The following BCL2L1 variants were observed in gnomAD, a reference collection of about 807,000 sequenced individuals.
The protein encoded by BCL2L1 is bcl-2-like protein 1.
A neutral mutation model predicts 18.7 loss-of-function variants in BCL2L1; 1 was observed. That is an observed-to-expected ratio of 0.05 (90% CI 0.02 to 0.25). The LOEUF (loss-of-function observed/expected upper bound fraction) is 0.25, where lower values mean the gene tolerates loss of function less well. BCL2L1 is among the 10% of genes least tolerant of loss of function. The pLI, the probability that BCL2L1 is intolerant of heterozygous loss-of-function variation, is 1.00. For missense variants in BCL2L1, 207 were observed against 304.9 expected (o/e 0.68, Z 2.39); for synonymous variants, 103 against 122.7 (o/e 0.84, Z 1.06).
intron 2 of BCL2L1, among the ~76,000 whole-genome samples, chr20:31,715,623 T>G (rs1600928772): frequency 6.6e-6 from 1 of 152,156 alleles, no homozygotes; most frequent in Admixed American, 6.5e-5. Context: ...TCCCAAAATA[T>G]GACTGTAGGA....
At chr20:31,675,674 G>T (rs965172581) in intron 2 of BCL2L1, among the ~76,000 whole-genome samples, 1 of 152,092 alleles carries the variant, frequency 6.6e-6, no homozygotes, top group Non-Finnish European at 1.5e-5. Context: ...AAAGAGAGGG[G>T]TGGCAAGACT....
chr20:31,688,024 T>C lies in BCL2L1; in HGVS notation c.565-21938A>G, dbSNP rs566697945. On this transcript the variant is annotated intron_variant, in intron 2 of 2. Coordinates refer to ENST00000307677, the MANE Select transcript of BCL2L1 (RefSeq NM_138578.3). ...GCTTCACTTATCTCATCTAAAAGCC[T>C]TCCTCTTTGAGTAGTTATGAGGATT... is the stretch of plus-strand genomic sequence containing the variant. 1.8e-4 allele frequency among the ~76,000 whole-genome samples: 27 copies of C among 152,310 alleles called. No individual in the cohort carries two copies. In the East Asian group the frequency reaches 4.8e-3, roughly 27 times the overall value.
At chr20:31,667,484 C>CGTGTGTGTGTGTGTGTGTGTGT (rs3073682) in intron 2 of BCL2L1, among the ~76,000 whole-genome samples, 2,253 of 135,262 alleles carry the variant, frequency 0.017, 38 homozygotes, top group African/African-American at 0.022. Context: ...ACCATAGTAC[C>CGTGTGTGTGTGTGTGTGTGTGT]GTGTGTGTGT....
chr20:31,698,467 C>T (rs1380003068), intron 2 of BCL2L1, among the ~76,000 whole-genome samples: 2 of 152,070 alleles, frequency 1.3e-5, no homozygotes, highest in Admixed American at 6.6e-5. Flanking sequence ...AATTCCTGGG[C>T]TCAAGTGATC....
intron 2 of BCL2L1, among the ~76,000 whole-genome samples, chr20:31,667,691 G>A (rs1356969441): frequency 6.6e-6 from 1 of 151,906 alleles, no homozygotes; most frequent in Non-Finnish European, 1.5e-5. Context: ...CCCTGCCGTG[G>A]CCCACTTCCA....
upstream of BCL2L1, chr20:31,723,626 G>T: frequency 1.0e-6 from 1 of 985,542 alleles, no homozygotes; most frequent in Non-Finnish European, 1.2e-6. Flanking sequence ...GCCCCCGGCG[G>T]TCCGCCCCAG....
chr20:31,701,347 C>T (rs796285259), intron 2 of BCL2L1, among the ~76,000 whole-genome samples: 18 of 152,272 alleles, frequency 1.2e-4, no homozygotes, highest in African/African-American at 3.6e-4. Context: ...CCACCACGCC[C>T]GGCCTGTAGT....
chr20:31,672,140 T>C (rs2060680708), intron 2 of BCL2L1, among the ~76,000 whole-genome samples: 1 of 150,330 alleles, frequency 6.7e-6, no homozygotes, highest in African/African-American at 2.4e-5. Context: ...TTAGAGATGA[T>C]AGGGTTTTAA....
chr20:31,702,259 G>A (rs1340147454), intron 2 of BCL2L1, among the ~76,000 whole-genome samples: 2 of 152,172 alleles, frequency 1.3e-5, no homozygotes, highest in Non-Finnish European at 2.9e-5. Context: ...GAACCCATGC[G>A]GCTTGAGTGG....
At chr20:31,672,549 G>A (rs2060687742) in intron 2 of BCL2L1, among the ~76,000 whole-genome samples, 1 of 152,130 alleles carries the variant, frequency 6.6e-6, no homozygotes, top group South Asian at 2.1e-4. Context: ...TTCCTGGGTT[G>A]ATGGCCTCTG....
At chr20:31,691,300 G>A (rs1466637911) in intron 2 of BCL2L1, among the ~76,000 whole-genome samples, 2 of 150,982 alleles carry the variant, frequency 1.3e-5, no homozygotes, top group Non-Finnish European at 2.9e-5. Flanking sequence ...GCTCACTTGA[G>A]GTCAGGAGTT....
At chr20:31,683,227 C>G (rs139851300) in intron 2 of BCL2L1, among the ~76,000 whole-genome samples, 2 of 152,182 alleles carry the variant, frequency 1.3e-5, no homozygotes, top group African/African-American at 2.4e-5. Context: ...ACTGATCTCC[C>G]GTGCTCTTCC....
Position 31,713,337 on chromosome 20 carries a change from G to A in BCL2L1, c.564+8318C>T, listed in dbSNP as rs1349248818. On this transcript the variant is annotated intron_variant, in intron 2 of 2. Coordinates refer to ENST00000307677, the MANE Select transcript of BCL2L1 (RefSeq NM_138578.3). ...GCCAGGTGAAGGAGGAAAGGGTAGG[G>A]AGCAAAGAAAGTAATGGACAAGAGG... 5 of 985,258 alleles carry A rather than the reference G, an allele frequency of 5.1e-6. No individual in the cohort carries two copies. In the South Asian group the frequency reaches 2.3e-4, roughly 46 times the overall value. 61.0% of individuals were successfully genotyped at this position (985,258 alleles called of 1,614,324 possible).
intron 2 of BCL2L1, among the ~76,000 whole-genome samples, chr20:31,669,406 C>T (rs1253512016): frequency 6.6e-6 from 1 of 151,116 alleles, no homozygotes; most frequent in Admixed American, 6.6e-5. Flanking sequence ...CTTCTCATAA[C>T]TAGATTCTGT....
In BCL2L1 at chr20:31,704,191, C is replaced by A. The variant is rs1391973515; in HGVS notation, c.564+17464G>T. ...CGATCTCAGCTCACTGCAACCTATGCCTCCCAGGTTCAAGCGATTCTTCTG... is the reference window on the plus strand; with the variant it reads ...CGATCTCAGCTCACTGCAACCTATGACTCCCAGGTTCAAGCGATTCTTCTG... On this transcript the variant is annotated intron_variant, in intron 2 of 2. Coordinates refer to ENST00000307677, the MANE Select transcript of BCL2L1 (RefSeq NM_138578.3). Among the ~76,000 whole-genome samples the A allele has an allele frequency of 7.9e-5, 12 of 151,166 alleles. No homozygotes were observed. In the Admixed American group the frequency reaches 7.9e-4, roughly 10 times the overall value.
In BCL2L1 at chr20:31,704,167, G is replaced by A. The variant is rs549107867; in HGVS notation, c.564+17488C>T. On this transcript the variant is annotated intron_variant, in intron 2 of 2. Coordinates refer to ENST00000307677, the MANE Select transcript of BCL2L1 (RefSeq NM_138578.3). ...CACCTAGGCTGGAGTGCAGTGGCGC[G>A]ATCTCAGCTCACTGCAACCTATGCC... 2.8e-5 allele frequency among the ~76,000 whole-genome samples: 4 copies of A among 144,812 alleles called. No homozygotes were observed. In the East Asian group the frequency reaches 6.1e-4, roughly 22 times the overall value.
chr20:31,696,372 T>C (rs2061170743), intron 2 of BCL2L1, among the ~76,000 whole-genome samples: 1 of 152,206 alleles, frequency 6.6e-6, no homozygotes, highest in Admixed American at 6.5e-5. Flanking sequence ...TTATGAAATG[T>C]CCTGGGTGCA....
At chr20:31,670,019 T>C (rs1487981515) in intron 2 of BCL2L1, among the ~76,000 whole-genome samples, 1 of 152,116 alleles carries the variant, frequency 6.6e-6, no homozygotes, top group Non-Finnish European at 1.5e-5. Context: ...CTGCCTAGCT[T>C]CAAAGGGAGG....
chr20:31,670,088 A>G (rs2060644295), intron 2 of BCL2L1, among the ~76,000 whole-genome samples: 1 of 152,178 alleles, frequency 6.6e-6, no homozygotes, highest in African/African-American at 2.4e-5. Context: ...TCCTGTCAGT[A>G]GTGCTGAAAG....
Sources: gnomAD v4.1 joint callset for allele counts (sites outside exome capture counted in the v4.1 genomes callset) on GRCh38, gnomAD v4.1.1 for gene constraint, MANE v1.5 for transcripts, NCBI Gene and HGNC (gene_info 2026-07-23, HGNC 2026-07-21) for gene names.